ZNRF1: variants seen among roughly 807,000 people sequenced by gnomAD.
ZNRF1 encodes the protein zinc and ring finger 1, also known as E3 ubiquitin-protein ligase ZNRF1.
Under a neutral mutation model 18.4 loss-of-function variants are expected in ZNRF1, and 3 were observed. That is an observed-to-expected ratio of 0.16 (90% confidence interval 0.07 to 0.42). The LOEUF is 0.42. Among genes scored for constraint, ZNRF1 ranks in the 10% least tolerant of loss-of-function variants. The probability of loss-of-function intolerance (pLI) is 0.99; values close to 1 mark genes in which losing one functional copy is unlikely to be tolerated. For missense variants in ZNRF1, 310 were observed against 329.8 expected (o/e 0.94, Z 0.47); for synonymous variants, 157 against 144.2 (o/e 1.09, Z -0.64).
rs1382570249 is a variant in ZNRF1, at chr16:75,107,789, G to A, written c.*89G>A. The A allele has an allele frequency of 1.1e-5, 5 of 456,376 alleles. No homozygotes were observed. The highest frequency in any genetic ancestry group is 7.1e-5 in the Admixed American group (3 of 42,548). The allele number at this position is 456,376 out of a possible 1,614,324, so 28.3% of individuals were successfully genotyped here. A position where few individuals can be genotyped will look rare whatever the true frequency, so the allele number is the denominator to read the frequency against. On this transcript the variant is annotated 3_prime_UTR_variant, in exon 5 of 5. Coordinates refer to ENST00000335325, the MANE Select transcript of ZNRF1 (RefSeq NM_032268.5). ...TCACCGGACCCTGGGGCAGAGCTGA[G>A]CTTGGGACACCAGCGGGAACAGGGC...
chr16:75,064,459 G>A (rs56964851), intron 1 of ZNRF1, among the ~76,000 whole-genome samples: 1,580 of 152,036 alleles, frequency 0.01, 34 homozygotes, highest in African/African-American at 0.036. Context: ...AGGAGGCTGA[G>A]GCAGGAGAAT....
At chr16:75,068,964 C>G (rs150519933) in intron 1 of ZNRF1, among the ~76,000 whole-genome samples, 27 of 152,162 alleles carry the variant, frequency 1.8e-4, no homozygotes, top group African/African-American at 6.5e-4. Context: ...GTCCCACCCC[C>G]TCCTCCCTCT....
chr16:75,106,773 A>G, intron 4 of ZNRF1: 1 of 536,848 alleles, frequency 1.9e-6, no homozygotes, highest in Non-Finnish European at 3.4e-6. Context: ...CAACATGGAC[A>G]GTTATGAAGA....
At chr16:75,051,739 A>C (rs1481498917) in intron 1 of ZNRF1, among the ~76,000 whole-genome samples, 3 of 151,834 alleles carry the variant, frequency 2.0e-5, no homozygotes, top group Non-Finnish European at 4.4e-5. Context: ...GCTGGTCTCG[A>C]ACTCCTGACC....
At chr16:75,073,670 G>A (rs140201842) in intron 1 of ZNRF1, among the ~76,000 whole-genome samples, 4 of 152,110 alleles carry the variant, frequency 2.6e-5, no homozygotes, top group East Asian at 3.9e-4. Context: ...TCTGTCCGAC[G>A]TGCACATTTA....
chr16:75,007,059 CTTT>C (rs11321828), intron 1 of ZNRF1, among the ~76,000 whole-genome samples: 98 of 138,662 alleles, frequency 7.1e-4, no homozygotes, highest in Non-Finnish European at 7.1e-4. Flanking sequence ...CAAGTTTAAT[CTTT>C]TTTTTTTTTT....
At chr16:75,080,520 G>A (rs1476889609) in intron 1 of ZNRF1, among the ~76,000 whole-genome samples, 1 of 152,128 alleles carries the variant, frequency 6.6e-6, no homozygotes, top group African/African-American at 2.4e-5. Context: ...TGGACAGTAG[G>A]GTAGACAGTG....
At chr16:75,038,827 A>G (rs2035406286) in intron 1 of ZNRF1, among the ~76,000 whole-genome samples, 1 of 152,056 alleles carries the variant, frequency 6.6e-6, no homozygotes. Context: ...AGCCATACTG[A>G]TAAGAGAAAT....
intron 1 of ZNRF1, among the ~76,000 whole-genome samples, chr16:75,086,639 T>G (rs531750871): frequency 6.6e-6 from 1 of 152,358 alleles, no homozygotes; most frequent in South Asian, 2.1e-4. Context: ...TTATTCATAA[T>G]AAATCCCATT....
chr16:75,090,684 C>T (rs978651591), intron 1 of ZNRF1, among the ~76,000 whole-genome samples: 3 of 151,966 alleles, frequency 2.0e-5, no homozygotes, highest in African/African-American at 4.8e-5. Flanking sequence ...GGGGAAATGG[C>T]GACTGTGCCA....
At chr16:75,075,861 G>A (rs997775591) in intron 1 of ZNRF1, among the ~76,000 whole-genome samples, 1 of 152,204 alleles carries the variant, frequency 6.6e-6, no homozygotes, top group African/African-American at 2.4e-5. Flanking sequence ...ATTGGAGCAG[G>A]TTCAAGAGGA....
chr16:75,002,556 C>G (rs1175624822), intron 1 of ZNRF1, among the ~76,000 whole-genome samples: 1 of 152,198 alleles, frequency 6.6e-6, no homozygotes, highest in Admixed American at 6.5e-5. Flanking sequence ...TCAGTGTATA[C>G]AAGGCCTTCT....
At chr16:75,015,654 G>A (rs1023353598) in intron 1 of ZNRF1, among the ~76,000 whole-genome samples, 1 of 152,074 alleles carries the variant, frequency 6.6e-6, no homozygotes, top group African/African-American at 2.4e-5. Flanking sequence ...CGCCATCACC[G>A]CTTACTGCAG....
chr16:75,064,750 G>C (rs1304942079), intron 1 of ZNRF1, among the ~76,000 whole-genome samples: 2 of 152,210 alleles, frequency 1.3e-5, no homozygotes, highest in Non-Finnish European at 2.9e-5. Flanking sequence ...CGGACTCAGA[G>C]CTGCTTTGGA....
At chr16:75,091,762 C>T (rs1464648543) in intron 1 of ZNRF1, among the ~76,000 whole-genome samples, 2 of 151,814 alleles carry the variant, frequency 1.3e-5, no homozygotes, top group Non-Finnish European at 2.9e-5. Flanking sequence ...GTCTCAAACT[C>T]CTGAGCTCAA....
chr16:75,052,614 C>G (rs1323207728), intron 1 of ZNRF1, among the ~76,000 whole-genome samples: 1 of 152,098 alleles, frequency 6.6e-6, no homozygotes, highest in African/African-American at 2.4e-5. Flanking sequence ...GTCCTCTGAC[C>G]TCAGGGCTAT....
chr16:75,093,440 C>T (rs1376647744), intron 1 of ZNRF1, 132 bp from the exon 2 acceptor site: 4 of 661,580 alleles, frequency 6.0e-6, no homozygotes, highest in Admixed American at 2.4e-5. Context: ...GAGGACAGGT[C>T]CAGGGTCTGT....
At chr16:75,031,412 G>T (rs2035301558) in intron 1 of ZNRF1, among the ~76,000 whole-genome samples, 1 of 152,130 alleles carries the variant, frequency 6.6e-6, no homozygotes, top group Non-Finnish European at 1.5e-5. Flanking sequence ...TTACAGGGGA[G>T]CCACCGTGCC....
chr16:75,107,128 C>G (rs1412162914), intron 4 of ZNRF1: 1 of 173,638 alleles, frequency 5.8e-6, no homozygotes, highest in African/African-American at 2.4e-5. Flanking sequence ...GACTCGATCC[C>G]TCTATCCCAC....
Sources: gnomAD v4.1 joint callset for allele counts (sites outside exome capture counted in the v4.1 genomes callset) on GRCh38, gnomAD v4.1.1 for gene constraint, MANE v1.5 for transcripts, NCBI Gene and HGNC (gene_info 2026-07-23, HGNC 2026-07-21) for gene names.